The following MUSK variants were observed in gnomAD, a reference collection of about 807,000 sequenced individuals.
MUSK encodes muscle, skeletal receptor tyrosine-protein kinase.
In MUSK, 55 loss-of-function variants were observed where a neutral mutation model predicts 88.7. That is an observed-to-expected ratio of 0.62 (90% CI 0.50 to 0.78). The LOEUF (loss-of-function observed/expected upper bound fraction) is 0.78, where lower values mean the gene tolerates loss of function less well. Ranked by LOEUF, MUSK falls within the 30% of genes least tolerant of loss-of-function variation. The pLI, the probability that MUSK is intolerant of heterozygous loss-of-function variation, is 0.00. For synonymous variants in MUSK, 387 were observed against 391.9 expected (o/e 0.99, Z 0.15); for missense variants, 1,015 against 1,074.3 (o/e 0.94, Z 0.77).
chr9:110,786,736 T>A (rs2077873818), intron 13 of MUSK, among the ~76,000 whole-genome samples: 1 of 152,152 alleles, frequency 6.6e-6, no homozygotes, highest in Non-Finnish European at 1.5e-5. Flanking sequence ...TTAGGGCCAA[T>A]ATTAGCCTAT....
At chr9:110,669,043 T>C in intron 1 of MUSK, 60 bp downstream of exon 1, 2 of 1,430,948 alleles carry the variant, frequency 1.4e-6, no homozygotes, top group Non-Finnish European at 9.9e-7. Flanking sequence ...TGTGTGTATA[T>C]GAGATATGAC....
intron 5 of MUSK, among the ~76,000 whole-genome samples, chr9:110,707,875 T>C (rs1337448385): frequency 6.6e-6 from 1 of 152,070 alleles, no homozygotes; most frequent in Non-Finnish European, 1.5e-5. Context: ...GGAAGGCAAG[T>C]CATATGGAGA....
At position 110,800,820 on chromosome 9, in the gene MUSK, C is replaced by T. The variant is rs779578271; in HGVS notation, c.2442C>T (p.Tyr814=). The T allele has an allele frequency of 1.1e-5, 18 of 1,612,768 alleles. No homozygotes were observed. Among genetic ancestry groups the T allele is most frequent in the Middle Eastern group, 3.3e-4 (2 of 6,056 alleles). Residue 814 remains tyrosine, a synonymous_variant, in exon 15 of 15, where the codon TAC becomes TAT. Transcript: ENST00000374448. Reference sequence around the variant, plus strand: ...TGGCCCATGAGGAGGTCATTTACTACGTGCGAGATGGCAACATCCTCTCCT... The same window carrying T: ...TGGCCCATGAGGAGGTCATTTACTATGTGCGAGATGGCAACATCCTCTCCT... ...YGMAHEEVIY[Y]VRDGNILSCP...
At chr9:110,699,957 T>C (rs1349965354) in intron 5 of MUSK, among the ~76,000 whole-genome samples, 2 of 152,236 alleles carry the variant, frequency 1.3e-5, no homozygotes, top group African/African-American at 4.8e-5. Flanking sequence ...ACTAAATCTT[T>C]GTTGTTACAA....
intron 11 of MUSK, among the ~76,000 whole-genome samples, chr9:110,781,477 C>A (rs971964993): frequency 6.6e-6 from 1 of 152,102 alleles, no homozygotes; most frequent in Non-Finnish European, 1.5e-5. Flanking sequence ...GGGGATTCAC[C>A]GTGTTAGCCA....
rs1330898782 is a variant in MUSK at position 110,800,610 on chromosome 9, T to C, written c.2232T>C (p.Phe744=). ...GENMVVKIAD[F]GLSRNIYSAD... is the part of the protein sequence containing the mutation. ...ACATGGTGGTGAAAATTGCCGACTT[T>C]GGCCTCTCCAGGAACATCTACTCAG... Residue 744 remains phenylalanine, a synonymous_variant, in exon 15 of 15, where the codon TTT becomes TTC. Transcript: ENST00000374448. 1.9e-6 allele frequency: 3 copies of C among 1,608,742 alleles called. No homozygotes were observed. Among genetic ancestry groups the C allele is most frequent in the African/African-American group, 2.7e-5 (2 of 74,502 alleles).
intron 1 of MUSK, among the ~76,000 whole-genome samples, chr9:110,670,860 A>G (rs1443978966): frequency 6.6e-6 from 1 of 152,188 alleles, no homozygotes; most frequent in Non-Finnish European, 1.5e-5. Context: ...TACTACATAC[A>G]GCAGTTCTGA....
intron 5 of MUSK, among the ~76,000 whole-genome samples, chr9:110,717,458 C>A (rs1429647682): frequency 6.7e-6 from 1 of 149,862 alleles, no homozygotes; most frequent in Non-Finnish European, 1.5e-5. Flanking sequence ...CTGTCACTTT[C>A]CTTGGCATTA....
intron 13 of MUSK, 112 bp from the exon 14 acceptor site, chr9:110,787,578 C>T (rs2077894815): frequency 9.1e-7 from 1 of 1,095,844 alleles, no homozygotes; most frequent in Non-Finnish European, 1.3e-6. Flanking sequence ...CTGCGTGAGA[C>T]TTAACCAGCC....
chr9:110,696,936 C>A (rs577046456), intron 4 of MUSK, among the ~76,000 whole-genome samples: 4 of 151,388 alleles, frequency 2.6e-5, no homozygotes, highest in African/African-American at 9.7e-5. Flanking sequence ...TTTTGTATGT[C>A]TCACCACCCC....
At chr9:110,691,803 T>C (rs749558796) in intron 3 of MUSK, among the ~76,000 whole-genome samples, 2 of 152,106 alleles carry the variant, frequency 1.3e-5, no homozygotes, top group Non-Finnish European at 2.9e-5. Context: ...AGGAAATCAT[T>C]AGGTACTTTT....
intron 7 of MUSK, among the ~76,000 whole-genome samples, chr9:110,755,900 T>G (rs1357506182): frequency 2.2e-5 from 3 of 136,932 alleles, no homozygotes; most frequent in Non-Finnish European, 3.1e-5. Context: ...AATTGCAAGG[T>G]ACATTCTCAG....
chr9:110,708,802 CA>C (rs1361246118), intron 5 of MUSK, among the ~76,000 whole-genome samples: 3 of 152,094 alleles, frequency 2.0e-5, no homozygotes, highest in African/African-American at 7.2e-5. Flanking sequence ...TTCAAGTCAA[CA>C]CATAGTTAGG....
chr9:110,785,927 C>G (rs933305854), intron 13 of MUSK, among the ~76,000 whole-genome samples: 1 of 148,250 alleles, frequency 6.7e-6, no homozygotes, highest in Non-Finnish European at 1.5e-5. Context: ...TATATACACA[C>G]AGTGTAATAT....
chr9:110,719,205 T>C (rs1438142244), intron 5 of MUSK, among the ~76,000 whole-genome samples: 1 of 151,910 alleles, frequency 6.6e-6, no homozygotes, highest in Non-Finnish European at 1.5e-5. Flanking sequence ...AGGCAACAAA[T>C]AGCACAATGA....
rs1040538829 is a variant in MUSK at position 110,726,779 on chromosome 9, T to C, written c.629-7472T>C. Among the ~76,000 whole-genome samples the C allele has an allele frequency of 9.2e-5, 14 of 152,124 alleles. No individual in the cohort carries two copies. The South Asian group carries it at 1.7e-3, about 18-fold the overall frequency. On this transcript the variant is annotated intron_variant, in intron 5 of 14. Coordinates refer to ENST00000374448, the MANE Select transcript of MUSK (RefSeq NM_005592.4). ...TTGTTTTGTTTTGTTTGTTTGTTTT[T>C]CCAAACTTAGAAACAAACACATTGT...
intron 11 of MUSK, among the ~76,000 whole-genome samples, chr9:110,784,211 A>G (rs1372707554): frequency 6.6e-6 from 1 of 152,162 alleles, no homozygotes; most frequent in Non-Finnish European, 1.5e-5. Context: ...TTCTTTTAAT[A>G]CATATACAAT....
intron 1 of MUSK, among the ~76,000 whole-genome samples, chr9:110,677,823 G>A (rs2076051371): frequency 1.3e-5 from 2 of 152,092 alleles, no homozygotes; most frequent in Non-Finnish European, 2.9e-5. Context: ...TTCAAGTAGG[G>A]AATGGATAGT....
At chr9:110,682,049 G>A (rs1439820617) in intron 1 of MUSK, among the ~76,000 whole-genome samples, 2 of 151,906 alleles carry the variant, frequency 1.3e-5, no homozygotes, top group South Asian at 2.1e-4. Context: ...TTCACATACC[G>A]TGCGCTTTAC....
Sources: gnomAD v4.1 joint callset for allele counts (sites outside exome capture counted in the v4.1 genomes callset) on GRCh38, gnomAD v4.1.1 for gene constraint, MANE v1.5 for transcripts, NCBI Gene and HGNC (gene_info 2026-07-23, HGNC 2026-07-21) for gene names.